Variants in ANK2 observed in about 807,000 individuals in gnomAD.
ANK2 encodes ankyrin-2.
Under a neutral mutation model 360.5 loss-of-function variants are expected in ANK2, and 83 were observed. The observed-to-expected ratio is 0.23, with a 90% CI of 0.19 to 0.28. ANK2 has a LOEUF of 0.28. ANK2 is among the 10% of genes least tolerant of loss of function. ANK2 has a pLI of 1.00. For missense variants in ANK2, 4,201 were observed against 4,795.7 expected (o/e 0.88, Z 3.66); for synonymous variants, 1,740 against 1,759.5 (o/e 0.99, Z 0.28).
At chr4:112,917,255 G>T (rs1487020308) in intron 2 of ANK2, among the ~76,000 whole-genome samples, 1 of 152,166 alleles carries the variant, frequency 6.6e-6, no homozygotes, top group African/African-American at 2.4e-5. Flanking sequence ...GATAACTCTC[G>T]TGGATCTAAA....
intron 2 of ANK2, among the ~76,000 whole-genome samples, chr4:112,933,954 A>G (rs2093499035): frequency 6.6e-6 from 1 of 151,740 alleles, no homozygotes; most frequent in Non-Finnish European, 1.5e-5. Flanking sequence ...GATCTAAAGG[A>G]GATTGACTAA....
chr4:112,764,052 T>G, the ANK2 span, among the ~76,000 whole-genome samples: 1 of 151,760 alleles, frequency 6.6e-6, no homozygotes, highest in Non-Finnish European at 1.5e-5. Context: ...CAAGCAATTC[T>G]CTGCCTCAGC....
At chr4:112,846,590 C>T (rs1344725460) in intron 1 of ANK2, among the ~76,000 whole-genome samples, 1 of 152,090 alleles carries the variant, frequency 6.6e-6, no homozygotes, top group Admixed American at 6.6e-5. Flanking sequence ...CTCTTGATCT[C>T]TTCCTGTCTC....
intron 45 of ANK2, among the ~76,000 whole-genome samples, chr4:113,379,291 C>G (rs534569800): frequency 6.6e-6 from 1 of 152,238 alleles, no homozygotes; most frequent in African/African-American, 2.4e-5. Context: ...ATTTAGAGAT[C>G]AATTAATCCA....
rs780131495 is a variant in ANK2, at chr4:113,356,135, G to A, written c.7517G>A (p.Arg2506Gln). The A allele has an allele frequency of 3.5e-5, 56 of 1,613,948 alleles. No homozygotes were observed. Among genetic ancestry groups the A allele is most frequent in the East Asian group, 8.9e-5 (4 of 44,888 alleles). ...TELLTEVASV[R>Q]SRLLRDPDGS... ...CTCTTGACGGAAGTGGCCTCTGTGC[G>A]GTCCCGGCTACTCCGAGACCCTGAT... is the stretch of plus-strand genomic sequence containing the variant. The change falls in exon 38 of 46, where the codon CGG (arginine) becomes CAG (glutamine). Residue 2506 changes from arginine to glutamine, a missense_variant. Arg to Gln is a conservative substitution (Grantham distance 43). Around this residue, in one of 4 missense-constraint regions of ANK2, gnomAD observed 2,642 missense variants for 2,714.5 expected, o/e 0.97. Coordinates refer to ENST00000357077, the MANE Select transcript of ANK2 (RefSeq NM_001148.6).
chr4:112,903,369 A>C (rs776992807), intron 1 of ANK2, among the ~76,000 whole-genome samples: 3 of 152,206 alleles, frequency 2.0e-5, no homozygotes, highest in Non-Finnish European at 4.4e-5. Flanking sequence ...GGGACTCAAC[A>C]CTGAGATTTC....
chr4:113,295,187 T>C (rs547212092), intron 22 of ANK2, among the ~76,000 whole-genome samples: 148 of 152,294 alleles, frequency 9.7e-4, no homozygotes, highest in African/African-American at 3.5e-3. Flanking sequence ...GGATATAAAA[T>C]ATGTGCTAAG....
chr4:112,756,837 G>T, the ANK2 span, among the ~76,000 whole-genome samples: 1 of 152,044 alleles, frequency 6.6e-6, no homozygotes, highest in African/African-American at 2.4e-5. Flanking sequence ...GCCCTACATG[G>T]TGGTGGGCAT....
At chr4:113,265,132 C>CA in intron 14 of ANK2, 137 bp downstream of exon 14, 2 of 841,690 alleles carry the variant, frequency 2.4e-6, no homozygotes, top group Admixed American at 5.0e-5. Context: ...TAGCAGTTTT[C>CA]CAGAAAAAAA....
intron 2 of ANK2, among the ~76,000 whole-genome samples, chr4:113,002,494 T>C (rs961192974): frequency 6.7e-6 from 1 of 150,050 alleles, no homozygotes; most frequent in Non-Finnish European, 1.5e-5. Flanking sequence ...TTCTCACTTA[T>C]AGGTGGGAAT....
intron 18 of ANK2, among the ~76,000 whole-genome samples, chr4:113,284,335 T>G (rs1480097098): frequency 1.3e-5 from 2 of 152,320 alleles, no homozygotes; most frequent in Non-Finnish European, 2.9e-5. Context: ...GGCATGTGTT[T>G]ACTCTATTAA....
intron 2 of ANK2, among the ~76,000 whole-genome samples, chr4:113,196,034 A>G (rs2098741511): frequency 6.6e-6 from 1 of 152,234 alleles, no homozygotes; most frequent in South Asian, 2.1e-4. Context: ...CAGAAAGTGT[A>G]CAGAATTTTA....
At chr4:112,905,476 G>A (rs2084879184) in intron 2 of ANK2, among the ~76,000 whole-genome samples, 1 of 152,144 alleles carries the variant, frequency 6.6e-6, no homozygotes, top group South Asian at 2.1e-4. Context: ...TTCAGGTCAT[G>A]TACTATTGAA....
chr4:113,287,010 A>G (rs1177460673), intron 18 of ANK2, among the ~76,000 whole-genome samples: 1 of 152,186 alleles, frequency 6.6e-6, no homozygotes, highest in Non-Finnish European at 1.5e-5. Flanking sequence ...TACTTGATGT[A>G]TATATACCAA....
rs1554269087 is a variant in ANK2 at position 113,205,235 on chromosome 4, C to CAAAG, written c.384+6129_384+6130insGAAA. Among the ~76,000 whole-genome samples, 4 of 64,026 alleles carry CAAAG rather than the reference C, an allele frequency of 6.2e-5. 1 individual carries two copies. Among genetic ancestry groups the CAAAG allele is most frequent in the African/African-American group, 2.7e-4 (4 of 14,872 alleles). The allele number at this position is 64,026 out of a possible 152,430, so 42.0% of individuals were successfully genotyped here. A position where few individuals can be genotyped will look rare whatever the true frequency, so the allele number is the denominator to read the frequency against. Reference sequence around the variant, plus strand: ...TGGGCGACAGAGCAAGACTCCGTCTCAAAAAAAAAAAAAAAAAAAAAAGAC... The same window carrying CAAAG: ...TGGGCGACAGAGCAAGACTCCGTCTCAAAGAAAAAAAAAAAAAAAAAAAAAAGAC... On this transcript the variant is annotated intron_variant, in intron 4 of 45. Coordinates refer to ENST00000357077, the MANE Select transcript of ANK2 (RefSeq NM_001148.6).
chr4:113,182,676 G>A (rs2098441216), intron 2 of ANK2, among the ~76,000 whole-genome samples: 1 of 152,186 alleles, frequency 6.6e-6, no homozygotes, highest in Non-Finnish European at 1.5e-5. Context: ...GATCCAATAA[G>A]CTGAGGAACT....
At chr4:113,164,593 G>A (rs2097686094) in intron 1 of ANK2, among the ~76,000 whole-genome samples, 1 of 152,210 alleles carries the variant, frequency 6.6e-6, no homozygotes, top group African/African-American at 2.4e-5. Context: ...TGCAGAATAA[G>A]GAGACCAATG....
At chr4:112,889,582 T>C (rs1364754105) in intron 1 of ANK2, among the ~76,000 whole-genome samples, 1 of 152,004 alleles carries the variant, frequency 6.6e-6, no homozygotes, top group Non-Finnish European at 1.5e-5. Flanking sequence ...TTTGACTGGG[T>C]TCCTAATTAT....
intron 38 of ANK2, among the ~76,000 whole-genome samples, chr4:113,359,826 G>C (rs1175628289): frequency 1.3e-5 from 2 of 152,090 alleles, no homozygotes; most frequent in Non-Finnish European, 2.9e-5. Flanking sequence ...CAGAAAGGTT[G>C]GATTTCAGAT....
Sources: gnomAD v4.1 joint callset for allele counts (sites outside exome capture counted in the v4.1 genomes callset) on GRCh38, gnomAD v4.1.1 for gene constraint, gnomAD v4.1.1 regional missense constraint, MANE v1.5 for transcripts, NCBI Gene and HGNC (gene_info 2026-07-23, HGNC 2026-07-21) for gene names.